The following AGBL1 variants were observed in gnomAD, a reference collection of about 807,000 sequenced individuals.
AGBL1 encodes the protein AGBL carboxypeptidase 1, also known as cytosolic carboxypeptidase 4.
In AGBL1, 130 loss-of-function variants were observed where a neutral mutation model predicts 118.9. That is an observed-to-expected ratio of 1.09 (90% CI 0.95 to 1.26). AGBL1 has a LOEUF of 1.26. AGBL1 is among the 50% of genes most tolerant of loss of function. The pLI is 0.00. For synonymous variants in AGBL1, 555 were observed against 478.9 expected, an observed-to-expected ratio of 1.16 and a Z score of -2.08; for missense variants, 1,584 against 1,298.1, an observed-to-expected ratio of 1.22 and a Z score of -3.38.
intron 19 of AGBL1, among the ~76,000 whole-genome samples, chr15:86,534,484 C>T (rs1434189819): frequency 1.3e-5 from 2 of 152,134 alleles, no homozygotes; most frequent in African/African-American, 4.8e-5. Context: ...GGGGTTACTA[C>T]ACAGGGCAAA....
chr15:86,235,090 C>G (rs901763030), intron 6 of AGBL1, among the ~76,000 whole-genome samples: 1 of 152,162 alleles, frequency 6.6e-6, no homozygotes, highest in Non-Finnish European at 1.5e-5. Context: ...CAACAGACAA[C>G]ATATAAAGAA....
chr15:86,208,298 C>G (rs2078029330), intron 5 of AGBL1, among the ~76,000 whole-genome samples: 2 of 152,152 alleles, frequency 1.3e-5, no homozygotes, highest in African/African-American at 4.8e-5. Context: ...TGTTGTGTCT[C>G]TGCCAGGCTT....
At chr15:86,346,033 A>G (rs1415611591) in intron 17 of AGBL1, among the ~76,000 whole-genome samples, 4 of 146,794 alleles carry the variant, frequency 2.7e-5, no homozygotes, top group Admixed American at 6.8e-5. Context: ...CCCAGGCTGG[A>G]GTGTAATGGC....
At chr15:86,850,934 T>C (rs1189364349) in intron 22 of AGBL1, among the ~76,000 whole-genome samples, 1 of 152,230 alleles carries the variant, frequency 6.6e-6, no homozygotes. Context: ...TATTAATTAT[T>C]GCCATGCCCA....
intron 23 of AGBL1, among the ~76,000 whole-genome samples, chr15:86,963,112 G>A (rs146272117): frequency 3.7e-4 from 57 of 152,166 alleles, no homozygotes; most frequent in African/African-American, 1.3e-3. Context: ...ATCAGCATCA[G>A]ATCTGGATCT....
chr15:86,503,095 G>A (rs1231930496), intron 18 of AGBL1, among the ~76,000 whole-genome samples: 2 of 151,486 alleles, frequency 1.3e-5, no homozygotes, highest in Admixed American at 6.6e-5. Flanking sequence ...TGAGAGCTTT[G>A]TTGATTAATA....
chr15:86,810,404 G>A (rs1187006042), intron 22 of AGBL1, among the ~76,000 whole-genome samples: 1 of 152,080 alleles, frequency 6.6e-6, no homozygotes, highest in Non-Finnish European at 1.5e-5. Context: ...ACATGAAATT[G>A]CCCATCACTC....
Position 86,786,364 on chromosome 15 carries a change from C to G in AGBL1, c.3158+111928C>G, listed in dbSNP as rs549231976. ...TGAAAGCTCATGACTGCCAGGGGCTCTGGGTTGTAGAAAGAGAGTGTGGCA... is the reference window on the plus strand; with the variant it reads ...TGAAAGCTCATGACTGCCAGGGGCTGTGGGTTGTAGAAAGAGAGTGTGGCA... On this transcript the variant is annotated intron_variant, in intron 22 of 22. Coordinates refer to ENST00000614907, the MANE Select transcript of AGBL1 (RefSeq NM_001386094.1). Among the ~76,000 whole-genome samples, 49 of 152,066 alleles carry G rather than the reference C, an allele frequency of 3.2e-4. 1 individual carries two copies. In the South Asian group the frequency reaches 6.2e-3, roughly 19 times the overall value.
chr15:86,810,289 GT>G (rs1348868533), intron 22 of AGBL1, among the ~76,000 whole-genome samples: 1 of 152,012 alleles, frequency 6.6e-6, no homozygotes, highest in East Asian at 1.9e-4. Flanking sequence ...GTGAGTAGAG[GT>G]TTTCTGATCT....
chr15:86,651,349 C>T (rs191934344), intron 21 of AGBL1, among the ~76,000 whole-genome samples: 32 of 152,254 alleles, frequency 2.1e-4, no homozygotes, highest in Admixed American at 5.9e-4. Context: ...TTCTAAGGCT[C>T]ATGCTGAAAG....
At chr15:86,259,169 C>T (rs1567161604) in intron 9 of AGBL1, among the ~76,000 whole-genome samples, 1 of 152,176 alleles carries the variant, frequency 6.6e-6, no homozygotes, top group Non-Finnish European at 1.5e-5. Context: ...GCATTCCTCA[C>T]CTCTACCCAC....
At chr15:86,857,243 G>A (rs896760344) in intron 22 of AGBL1, among the ~76,000 whole-genome samples, 5 of 152,094 alleles carry the variant, frequency 3.3e-5, no homozygotes, top group Non-Finnish European at 5.9e-5. Flanking sequence ...TATTCCCTAC[G>A]TGTCAACCAC....
intron 22 of AGBL1, among the ~76,000 whole-genome samples, chr15:86,831,188 C>T (rs567445290): frequency 6.6e-6 from 1 of 152,160 alleles, no homozygotes; most frequent in Non-Finnish European, 1.5e-5. Context: ...TCCCATGACA[C>T]ATGAGGATTA....
intron 5 of AGBL1, among the ~76,000 whole-genome samples, chr15:86,160,640 C>G (rs1008079540): frequency 3.3e-5 from 5 of 152,198 alleles, no homozygotes; most frequent in Non-Finnish European, 7.4e-5. Context: ...TGAACTTTAT[C>G]TTTCTGCCCT....
chr15:86,920,974 G>A (rs574369513), downstream of AGBL1, among the ~76,000 whole-genome samples: 1 of 152,194 alleles, frequency 6.6e-6, no homozygotes, highest in South Asian at 2.1e-4. Flanking sequence ...GAGAAAGGAG[G>A]GCATTCATTT....
chr15:86,990,859 A>C (rs1200195485), intron 24 of AGBL1, among the ~76,000 whole-genome samples: 3 of 151,986 alleles, frequency 2.0e-5, no homozygotes. Flanking sequence ...CAGAAGGGGG[A>C]GGTTTATAGG....
chr15:86,632,700 A>G (rs2084994837), intron 21 of AGBL1, among the ~76,000 whole-genome samples: 1 of 148,074 alleles, frequency 6.8e-6, no homozygotes, highest in Admixed American at 6.8e-5. Context: ...TGTAATTTTT[A>G]GGTGGTGTTG....
At chr15:86,485,639 G>A (rs1044845282) in intron 18 of AGBL1, among the ~76,000 whole-genome samples, 22 of 151,960 alleles carry the variant, frequency 1.4e-4, no homozygotes, top group African/African-American at 5.3e-4. Flanking sequence ...TCTGATTTCT[G>A]CTCACCCTTG....
chr15:86,455,318 T>A (rs1484651710), intron 18 of AGBL1, among the ~76,000 whole-genome samples: 1 of 152,126 alleles, frequency 6.6e-6, no homozygotes, highest in Non-Finnish European at 1.5e-5. Context: ...ATTTTATAGA[T>A]AAATAAGCCA....
Sources: allele counts gnomAD v4.1 joint callset (sites outside exome capture counted in the v4.1 genomes callset), GRCh38; gene constraint gnomAD v4.1.1; transcripts MANE v1.5; gene names NCBI Gene and HGNC (gene_info 2026-07-23, HGNC 2026-07-21).